KCNJ3: variants seen among roughly 807,000 people sequenced by gnomAD.
KCNJ3 encodes the protein G protein-activated inward rectifier potassium channel 1.
KCNJ3 carries 4 observed loss-of-function variants against 39.2 expected under a neutral mutation model. The observed-to-expected ratio is 0.10, with a 90% confidence interval of 0.05 to 0.23. KCNJ3 has a LOEUF of 0.23. Among genes scored for constraint, KCNJ3 ranks in the 10% least tolerant of loss-of-function variants. The pLI is 1.00. For synonymous variants in KCNJ3, 230 were observed against 237.4 expected, an observed-to-expected ratio of 0.97 and a Z score of 0.29; for missense variants, 276 against 634.9, an observed-to-expected ratio of 0.43 and a Z score of 6.08.
chr2:154,825,459 T>C (rs1239925418), intron 2 of KCNJ3, among the ~76,000 whole-genome samples: 2 of 152,138 alleles, frequency 1.3e-5, no homozygotes, highest in Admixed American at 1.3e-4. Context: ...ACTGAAATAT[T>C]AGGAGAAATA....
In KCNJ3 at chr2:154,839,840, T is replaced by C. The variant is rs191769087; in HGVS notation, c.920-14887T>C. On this transcript the variant is annotated intron_variant, in intron 2 of 2. Coordinates refer to ENST00000295101, the MANE Select transcript of KCNJ3 (RefSeq NM_002239.4). ...TTTGTAGATTCCGGATGTTAGCCCT[T>C]TGCCAGGTGAGAAGATTGCAAAAAT... Among the ~76,000 whole-genome samples, 527 of 152,308 alleles carry C rather than the reference T, an allele frequency of 3.5e-3. 2 individuals are homozygous for C. Among genetic ancestry groups the C allele is most frequent in the Middle Eastern group, 6.8e-3 (2 of 294 alleles).
intron 2 of KCNJ3, among the ~76,000 whole-genome samples, chr2:154,799,879 G>A (rs1686781801): frequency 1.3e-5 from 2 of 152,142 alleles, no homozygotes; most frequent in South Asian, 4.1e-4. Flanking sequence ...TTACATTCTA[G>A]TCATAATTCG....
intron 2 of KCNJ3, among the ~76,000 whole-genome samples, chr2:154,849,471 A>G (rs996901681): frequency 4.0e-5 from 6 of 151,810 alleles, no homozygotes; most frequent in African/African-American, 7.3e-5. Flanking sequence ...CTATCCCTCT[A>G]TCTTTCCTCC....
At chr2:154,811,282 A>C (rs1012788377) in intron 2 of KCNJ3, among the ~76,000 whole-genome samples, 4 of 152,154 alleles carry the variant, frequency 2.6e-5, no homozygotes, top group Non-Finnish European at 5.9e-5. Flanking sequence ...GTTATATTAA[A>C]ATGTGATAGG....
At chr2:154,747,452 A>G (rs1558863197) in intron 2 of KCNJ3, among the ~76,000 whole-genome samples, 1 of 152,010 alleles carries the variant, frequency 6.6e-6, no homozygotes, top group Non-Finnish European at 1.5e-5. Flanking sequence ...TTTAAGAAAA[A>G]AACTAGTGCC....
At chr2:154,721,868 T>A (rs1685267851) in intron 2 of KCNJ3, among the ~76,000 whole-genome samples, 1 of 152,184 alleles carries the variant, frequency 6.6e-6, no homozygotes, top group Non-Finnish European at 1.5e-5. Flanking sequence ...TGGAATATGT[T>A]TTTGTGCTTT....
In KCNJ3 at chr2:154,847,186, A is replaced by G. The variant is rs188806377; in HGVS notation, c.920-7541A>G. Among the ~76,000 whole-genome samples, 526 of 152,292 alleles carry G rather than the reference A, an allele frequency of 3.5e-3. 2 individuals are homozygous for G. Among genetic ancestry groups the G allele is most frequent in the Middle Eastern group, 6.8e-3 (2 of 294 alleles). On this transcript the variant is annotated intron_variant, in intron 2 of 2. Transcript: ENST00000295101. ...AAAAGAGCCTATTGCCAGTAACCTT[A>G]GTATTATTGAACTGTAATGTATGCA...
rs11285764 is a variant in KCNJ3, at chr2:154,752,258, C to CA, written c.919+42447dup. On this transcript the variant is annotated intron_variant, in intron 2 of 2. Coordinates refer to ENST00000295101, the MANE Select transcript of KCNJ3 (RefSeq NM_002239.4). ...TATTGTCATAATAAAAGTAATACAA[C>CA]AAAAAAAATAGTAGTTTTCCTTTGC... is the stretch of plus-strand genomic sequence containing the variant. Among the ~76,000 whole-genome samples the CA allele has an allele frequency of 1.5e-4, 22 of 150,922 alleles. 1 individual carries two copies. Among genetic ancestry groups the CA allele is most frequent in the East Asian group, 5.8e-4 (3 of 5,140 alleles).
intron 2 of KCNJ3, among the ~76,000 whole-genome samples, chr2:154,838,420 C>CTT (rs1687506708): frequency 6.6e-6 from 1 of 152,148 alleles, no homozygotes; most frequent in African/African-American, 2.4e-5. Flanking sequence ...GGACAAGTGA[C>CTT]TTTACCTCCC....
At chr2:154,724,397 A>G (rs577753181) in intron 2 of KCNJ3, among the ~76,000 whole-genome samples, 1 of 152,260 alleles carries the variant, frequency 6.6e-6, no homozygotes, top group South Asian at 2.1e-4. Context: ...ACTATAGATA[A>G]ATTCTGCCCT....
At chr2:154,756,952 C>A (rs1685948933) in intron 2 of KCNJ3, among the ~76,000 whole-genome samples, 1 of 151,828 alleles carries the variant, frequency 6.6e-6, no homozygotes, top group Non-Finnish European at 1.5e-5. Flanking sequence ...ACTATATAAT[C>A]TTGGAAAAAT....
chr2:154,803,938 G>A (rs1686865718), intron 2 of KCNJ3, among the ~76,000 whole-genome samples: 1 of 151,928 alleles, frequency 6.6e-6, no homozygotes, highest in Admixed American at 6.6e-5. Context: ...AAGAGCAAAG[G>A]AAAGTTACAA....
At chr2:154,807,394 T>C (rs1024947339) in intron 2 of KCNJ3, among the ~76,000 whole-genome samples, 1 of 152,176 alleles carries the variant, frequency 6.6e-6, no homozygotes, top group Non-Finnish European at 1.5e-5. Flanking sequence ...GTTCACCCAA[T>C]GTGTGACCTA....
At chr2:154,744,654 T>G (rs1685707335) in intron 2 of KCNJ3, among the ~76,000 whole-genome samples, 1 of 151,884 alleles carries the variant, frequency 6.6e-6, no homozygotes, top group South Asian at 2.1e-4. Context: ...ATGTCTGCAT[T>G]GTCTATAGTG....
At chr2:154,721,430 C>T (rs1244253249) in intron 2 of KCNJ3, among the ~76,000 whole-genome samples, 1 of 152,128 alleles carries the variant, frequency 6.6e-6, no homozygotes, top group Non-Finnish European at 1.5e-5. Context: ...TAACAGAGAG[C>T]TCTCCTGGGT....
At chr2:154,728,007 A>G (rs1362943260) in intron 2 of KCNJ3, among the ~76,000 whole-genome samples, 1 of 151,660 alleles carries the variant, frequency 6.6e-6, no homozygotes, top group Admixed American at 6.6e-5. Flanking sequence ...TTATAAAATT[A>G]TGAAGTTCCA....
rs57706082 is a variant in KCNJ3, at chr2:154,743,055, A to G, written c.919+33236A>G. On this transcript the variant is annotated intron_variant, in intron 2 of 2. Coordinates refer to ENST00000295101, the MANE Select transcript of KCNJ3 (RefSeq NM_002239.4). ...GATTATTTTTTGTGTATGGTGTTAT[A>G]TAAAATTCAACTTCATTCTTTTACA... Among the ~76,000 whole-genome samples, 1,109 of 151,924 alleles carry G rather than the reference A, an allele frequency of 7.3e-3. 13 individuals carry two copies. The highest frequency in any genetic ancestry group is 0.026 in the African/African-American group (1,060 of 41,506).
intron 2 of KCNJ3, among the ~76,000 whole-genome samples, chr2:154,780,949 T>G (rs1558872499): frequency 6.6e-6 from 1 of 152,168 alleles, no homozygotes; most frequent in Non-Finnish European, 1.5e-5. Context: ...GGAATTACAG[T>G]TGCTAATTAG....
chr2:154,789,025 A>G (rs988774429), intron 2 of KCNJ3, among the ~76,000 whole-genome samples: 1 of 152,086 alleles, frequency 6.6e-6, no homozygotes, highest in African/African-American at 2.4e-5. Context: ...CCATTACCAC[A>G]TGGTTGAGAA....
Sources: allele counts gnomAD v4.1 joint callset (sites outside exome capture counted in the v4.1 genomes callset), GRCh38; gene constraint gnomAD v4.1.1; transcripts MANE v1.5; gene names NCBI Gene and HGNC (gene_info 2026-07-23, HGNC 2026-07-21).